RAB27B: variants seen among roughly 807,000 people sequenced by gnomAD.
RAB27B encodes the protein RAB27B, member RAS oncogene family.
Under a neutral mutation model 24.6 loss-of-function variants are expected in RAB27B, and 15 were observed. That is an observed-to-expected ratio of 0.61 (90% CI 0.41 to 0.94). RAB27B has a LOEUF of 0.94. Among genes scored for constraint, RAB27B ranks in the 40% least tolerant of loss-of-function variants. RAB27B has a pLI of 0.00. For synonymous variants in RAB27B, 105 were observed against 92.5 expected (o/e 1.14, Z -0.78); for missense variants, 261 against 266.8 (o/e 0.98, Z 0.15).
intron 5 of RAB27B, among the ~76,000 whole-genome samples, chr18:54,888,397 T>C (rs1403016787): frequency 6.6e-6 from 1 of 152,108 alleles, no homozygotes; most frequent in South Asian, 2.1e-4. Context: ...TATATAAGAA[T>C]TGAGTCACAG....
At chr18:54,840,273 A>G (rs1911056385) in intron 1 of RAB27B, among the ~76,000 whole-genome samples, 1 of 152,168 alleles carries the variant, frequency 6.6e-6, no homozygotes, top group Non-Finnish European at 1.5e-5. Flanking sequence ...TTTTTCTACA[A>G]TGCTTAGTGC....
chr18:54,805,595 G>T (rs905183687), intron 2 of RAB27B, among the ~76,000 whole-genome samples: 72 of 152,288 alleles, frequency 4.7e-4, no homozygotes, highest in Admixed American at 4.5e-3. Flanking sequence ...TCTTTGAAAA[G>T]ACTACGATCC....
At chr18:54,856,591 C>T (rs1486848683) in intron 1 of RAB27B, among the ~76,000 whole-genome samples, 2 of 152,252 alleles carry the variant, frequency 1.3e-5, no homozygotes, top group African/African-American at 4.8e-5. Context: ...GCAGTTTATC[C>T]AAAGCAGGGC....
chr18:54,834,173 A>G (rs975848519), intron 1 of RAB27B, among the ~76,000 whole-genome samples: 3 of 152,278 alleles, frequency 2.0e-5, no homozygotes, highest in East Asian at 1.9e-4. Context: ...CAAATTAAGT[A>G]GTAGCTGCCA....
At chr18:54,786,023 G>C (rs192011576) in intron 2 of RAB27B, among the ~76,000 whole-genome samples, 187 of 152,258 alleles carry the variant, frequency 1.2e-3, no homozygotes, top group Admixed American at 2.7e-3. Flanking sequence ...CATGCTTTTA[G>C]CATCCAATCT....
chr18:54,795,896 T>C (rs1033873926), intron 2 of RAB27B, among the ~76,000 whole-genome samples: 1 of 152,170 alleles, frequency 6.6e-6, no homozygotes, highest in Admixed American at 6.5e-5. Flanking sequence ...TTAAATAACT[T>C]TATTGAGGTC....
At chr18:54,876,163 CT>C (rs1912691310) in intron 1 of RAB27B, among the ~76,000 whole-genome samples, 1 of 152,032 alleles carries the variant, frequency 6.6e-6, no homozygotes, top group Admixed American at 6.6e-5. Context: ...GGAAGAGCCC[CT>C]TATAAAACCA....
In RAB27B at chr18:54,889,339, C is replaced by T. The variant is rs749824892; in HGVS notation, c.583C>T (p.Pro195Ser). 6.2e-6 allele frequency: 10 copies of T among 1,613,100 alleles called. No individual in the cohort carries two copies. The highest frequency in any genetic ancestry group is 6.8e-6 in the Non-Finnish European group (8 of 1,179,482). ...MEQCVEKTQI[P>S]DTVNGGNSGN... ...ACAGTGTGTGGAGAAGACACAAATC[C>T]CTGATACTGTCAATGGTGGAAATTC... The change falls in exon 6 of 6, where the codon CCT (proline) becomes TCT (serine). Residue 195 changes from proline (P) to serine (S), a missense_variant. Physicochemically the swap from Pro to Ser is moderately conservative, Grantham distance 74. Coordinates refer to ENST00000262094, the MANE Select transcript of RAB27B (RefSeq NM_004163.4).
intron 2 of RAB27B, among the ~76,000 whole-genome samples, chr18:54,736,160 T>G (rs574936171): frequency 6.6e-6 from 1 of 152,296 alleles, no homozygotes; most frequent in East Asian, 1.9e-4. Context: ...AATGGGAAGA[T>G]GTGAGGTAAG....
At chr18:54,839,721 CA>C (rs1911035086) in intron 1 of RAB27B, among the ~76,000 whole-genome samples, 1 of 152,202 alleles carries the variant, frequency 6.6e-6, no homozygotes, top group Non-Finnish European at 1.5e-5. Context: ...GTCTAAGAAG[CA>C]GACTGAATGG....
At chr18:54,805,659 T>C (rs1568073202) in intron 2 of RAB27B, among the ~76,000 whole-genome samples, 1 of 152,198 alleles carries the variant, frequency 6.6e-6, no homozygotes, top group Non-Finnish European at 1.5e-5. Context: ...TCAGGAATCA[T>C]GTGTTATTTA....
At chr18:54,845,756 T>C (rs1011351446) in intron 1 of RAB27B, among the ~76,000 whole-genome samples, 8 of 152,200 alleles carry the variant, frequency 5.3e-5, no homozygotes, top group African/African-American at 1.9e-4. Context: ...TTCTAATTGT[T>C]GTAAATATGT....
chr18:54,867,838 G>GA (rs1171133413), intron 1 of RAB27B, among the ~76,000 whole-genome samples: 1 of 152,130 alleles, frequency 6.6e-6, no homozygotes, highest in African/African-American at 2.4e-5. Flanking sequence ...AGATTCAGTA[G>GA]GAATCCATGA....
chr18:54,889,523 C>T lies in RAB27B; in HGVS notation c.*110C>T. The T allele has an allele frequency of 2.0e-6, 2 of 981,576 alleles. No homozygotes were observed. The highest frequency in any genetic ancestry group is 2.9e-6 in the Non-Finnish European group (2 of 691,754). 60.8% of individuals were successfully genotyped at this position (981,576 alleles called of 1,614,324 possible). On this transcript the variant is annotated 3_prime_UTR_variant, in exon 6 of 6. Transcript: ENST00000262094. ...AAACCACGCACAATGGCATGTCTTT[C>T]TTTTTCTGCCAGAAAATCTATTTTA...
chr18:54,813,295 G>C (rs897391964), intron 2 of RAB27B, among the ~76,000 whole-genome samples: 27 of 152,300 alleles, frequency 1.8e-4, no homozygotes, highest in Non-Finnish European at 2.9e-4. Flanking sequence ...CATGCTATGA[G>C]AAAGTTTACG....
intron 2 of RAB27B, among the ~76,000 whole-genome samples, chr18:54,819,075 T>A (rs1910210673): frequency 6.6e-6 from 1 of 151,014 alleles, no homozygotes; most frequent in African/African-American, 2.4e-5. Context: ...GCAATACATA[T>A]TTCAGAAGGA....
At chr18:54,723,606 C>T (rs1305773063) in intron 2 of RAB27B, among the ~76,000 whole-genome samples, 7 of 151,750 alleles carry the variant, frequency 4.6e-5, no homozygotes, top group Non-Finnish European at 8.8e-5. Flanking sequence ...CTGAGAGAAA[C>T]AATAGATAGC....
At chr18:54,816,345 T>C (rs1910120746) in intron 2 of RAB27B, among the ~76,000 whole-genome samples, 1 of 152,156 alleles carries the variant, frequency 6.6e-6, no homozygotes, top group South Asian at 2.1e-4. Flanking sequence ...GGGTTAGGGG[T>C]TGAATTCAAT....
chr18:54,819,715 C>T (rs942841052), intron 2 of RAB27B, among the ~76,000 whole-genome samples: 1 of 151,640 alleles, frequency 6.6e-6, no homozygotes, highest in Admixed American at 6.6e-5. Context: ...TGGTGTGCTG[C>T]ACCCATTAAC....
Sources: allele counts gnomAD v4.1 joint callset (sites outside exome capture counted in the v4.1 genomes callset), GRCh38; gene constraint gnomAD v4.1.1; transcripts MANE v1.5; gene names NCBI Gene and HGNC (gene_info 2026-07-23, HGNC 2026-07-21).